The following CPT1C variants were observed in gnomAD, a reference collection of about 807,000 sequenced individuals.
CPT1C encodes palmitoyl thioesterase CPT1C.
CPT1C carries 61 observed loss-of-function variants against 97.3 expected under a neutral mutation model. That is an observed-to-expected ratio of 0.63 (90% CI 0.51 to 0.78). The LOEUF (loss-of-function observed/expected upper bound fraction) is 0.78, where lower values mean the gene tolerates loss of function less well. Among genes scored for constraint, CPT1C ranks in the 30% least tolerant of loss-of-function variants. The pLI is 0.00. For synonymous variants in CPT1C, 469 were observed against 447.2 expected (o/e 1.05, Z -0.61); for missense variants, 975 against 1,065.5 (o/e 0.92, Z 1.18).
chr19:49,708,629 T>G, intron 13 of CPT1C, 94 bp from the exon 14 acceptor site: 1 of 870,868 alleles, frequency 1.1e-6, no homozygotes, highest in East Asian at 2.4e-5. Flanking sequence ...GACTGCCCCC[T>G]ACCCGAAAAA....
intron 12 of CPT1C, 68 bp from the exon 13 acceptor site, chr19:49,707,450 C>T (rs2083567808): frequency 8.9e-7 from 1 of 1,127,690 alleles, no homozygotes; most frequent in African/African-American, 1.5e-5. Context: ...CCCTCAAGTC[C>T]CACAGAAAGC....
intron 14 of CPT1C, 63 bp from the exon 15 acceptor site, chr19:49,710,257 C>A: frequency 6.5e-7 from 1 of 1,533,908 alleles, no homozygotes; most frequent in Non-Finnish European, 9.0e-7. Context: ...CAGCCTTATT[C>A]CTGGCTTTCA....
Position 49,699,970 on chromosome 19 carries a change from G to A in CPT1C, c.282-714G>A, listed in dbSNP as rs190785127. Among the ~76,000 whole-genome samples the A allele has an allele frequency of 3.8e-4, 55 of 143,590 alleles. 1 individual carries two copies. The highest frequency in any genetic ancestry group is 1.2e-3 in the African/African-American group (46 of 38,384). The allele number at this position is 143,590 out of a possible 152,430, so 94.2% of individuals were successfully genotyped here. A position where few individuals can be genotyped will look rare whatever the true frequency, so the allele number is the denominator to read the frequency against. ...CTCCATCTCAAAAACAAAACATGCC[G>A]GGCGTGGTGGCTCACGCCTGTAATC... is the stretch of plus-strand genomic sequence containing the variant. On this transcript the variant is annotated intron_variant, in intron 4 of 19. Transcript: ENST00000598293.
At chr19:49,712,938 G>C in intron 18 of CPT1C, 34 bp from the exon 19 acceptor site, 4 of 1,601,784 alleles carry the variant, frequency 2.5e-6, no homozygotes, top group Middle Eastern at 1.7e-4. Context: ...GGGGACCGGA[G>C]CTATTTTCTT....
chr19:49,706,114 A>G lies in CPT1C; in HGVS notation c.1160+10A>G, dbSNP rs771886232. 6.3e-7 allele frequency: 1 copy of G among 1,599,802 alleles called. No homozygotes were observed. The highest frequency in any genetic ancestry group is 8.5e-7 in the Non-Finnish European group (1 of 1,171,890). ...TGACAGCTGCTCCCAGGTAAGGGTC[A>G]GGGGTCAGGGGTCAGGGGCTCTCAG... On this transcript the variant is annotated intron_variant, in intron 11 of 19. Coordinates refer to ENST00000598293, the MANE Select transcript of CPT1C (RefSeq NM_001199753.2). This position sits in a 1 kb window ranked among gnomAD's most constrained non-coding sequence, Gnocchi z 4.8.
At position 49,713,479 on chromosome 19, in the gene CPT1C, C is replaced by T; in HGVS notation, c.2286C>T (p.Phe762=). Residue 762 remains phenylalanine (F), a synonymous_variant, in exon 20 of 20, where the codon TTC becomes TTT. Transcript: ENST00000598293. ...CACTGCTGGATGTGGCCTCCCTGTT[C>T]CAGGCGGGACAGCATTTTAAGCGCC... is the stretch of plus-strand genomic sequence containing the variant. ...EDALLDVASL[F]QAGQHFKRRF... is the part of the protein sequence containing the mutation. 6.2e-7 allele frequency: 1 copy of T among 1,614,222 alleles called. No homozygotes were observed. The highest frequency in any genetic ancestry group is 8.5e-7 in the Non-Finnish European group (1 of 1,180,034).
At position 49,692,382 on chromosome 19, in the gene CPT1C, T is replaced by C; in HGVS notation, c.130T>C (p.Ser44Pro). Residue 44 changes from serine to proline, a missense_variant, in exon 3 of 20, where the codon TCA (serine) becomes CCA (proline). By Grantham distance (74) the Ser-to-Pro change is moderately conservative (BLOSUM62 -1). Transcript: ENST00000598293. The part of the protein sequence containing the change: ...SGLRSWKRHL[S>P]RFWNDFLTGV... ...CCTGCGCTCCTGGAAAAGGCATCTCTCACGTTTCTGGGTGAGGAGCGGTGC... is the reference window on the plus strand; with the variant it reads ...CCTGCGCTCCTGGAAAAGGCATCTCCCACGTTTCTGGGTGAGGAGCGGTGC... The C allele has an allele frequency of 1.2e-6, 2 of 1,614,080 alleles. No individual in the cohort carries two copies. The highest frequency in any genetic ancestry group is 2.2e-5 in the East Asian group (1 of 44,868).
At chr19:49,710,989 C>T (rs1180454361) in intron 16 of CPT1C, 132 bp downstream of exon 16, 6 of 924,860 alleles carry the variant, frequency 6.5e-6, no homozygotes, top group Non-Finnish European at 9.6e-6. Flanking sequence ...CGGACCTGGC[C>T]TCTGACTTCA....
intron 7 of CPT1C, among the ~76,000 whole-genome samples, chr19:49,703,589 C>CT (rs1568525528): frequency 9.6e-5 from 11 of 114,276 alleles, no homozygotes; most frequent in Non-Finnish European, 1.3e-4. Flanking sequence ...CCCTCCCTCC[C>CT]TCCCTCCCTT....
Position 49,700,702 on chromosome 19 carries a change from G to T in CPT1C, c.300G>T (p.Gly100=). The T allele has an allele frequency of 6.2e-7, 1 of 1,609,776 alleles. No individual in the cohort carries two copies. Among genetic ancestry groups the T allele is most frequent in the Non-Finnish European group, 8.5e-7 (1 of 1,180,008 alleles). The change falls in exon 5 of 20, where the codon GGG becomes GGT. Residue 100 remains glycine (G), a synonymous_variant. Transcript: ENST00000598293. ...CCCGCAGGGGTGGACAACACCACGG[G>T]CTCCGGGGGGTCCTGGCAGCCGCGC... ...LLPDWGGQHH[G]LRGVLAAALF... is the part of the protein sequence containing the mutation.
chr19:49,701,494 T>C lies in CPT1C; in HGVS notation c.556-3T>C. 1.9e-6 allele frequency: 3 copies of C among 1,604,230 alleles called. No individual in the cohort carries two copies. Among genetic ancestry groups the C allele is most frequent in the African/African-American group, 1.3e-5 (1 of 74,698 alleles). ...GCGTGACCTGCCCTCTTCTCCCCTT[T>C]AGTACCTGGAGTCGGTCCGGCCCAT... On this transcript the variant is annotated splice_polypyrimidine_tract_variant and splice_region_variant and intron_variant, in intron 6 of 19. Coordinates refer to ENST00000598293, the MANE Select transcript of CPT1C (RefSeq NM_001199753.2).
Position 49,706,472 on chromosome 19 carries a change from C to T in CPT1C, c.1343+59C>T, listed in dbSNP as rs548432960. The T allele has an allele frequency of 6.8e-5, 93 of 1,365,688 alleles. 1 individual carries two copies. In the Admixed American group the frequency reaches 2.6e-3, roughly 38 times the overall value. 84.6% of individuals were successfully genotyped at this position (1,365,688 alleles called of 1,614,324 possible). On this transcript the variant is annotated intron_variant, in intron 12 of 19. Transcript: ENST00000598293. The surrounding 1 kb of genome is among the most constrained non-coding windows in gnomAD (Gnocchi z 4.8). The stretch of plus-strand genomic sequence containing the variant: ...GGCACCCGAGAATCCAGTATCAGAC[C>T]TAGGACCCCTGACAGTAGACAGCCA...
Position 49,706,254 on chromosome 19 carries a change from C to T in CPT1C, c.1184C>T (p.Thr395Ile). ...APRGTWAQVRTSLKTQAAEAL... is the reference protein window; with the variant it reads ...APRGTWAQVRISLKTQAAEAL... ...AGGGGCACGTGGGCCCAGGTGCGGACATCCCTGAAGACCCAGGCAGCGGAG... is the reference window on the plus strand; with the variant it reads ...AGGGGCACGTGGGCCCAGGTGCGGATATCCCTGAAGACCCAGGCAGCGGAG... The change falls in exon 12 of 20, where the codon ACA (threonine) becomes ATA (isoleucine). Residue 395 changes from threonine to isoleucine, a missense_variant. Physicochemically the swap from Thr to Ile is moderately conservative, Grantham distance 89. Around this residue, in one of 3 missense-constraint regions of CPT1C, gnomAD observed 596 missense variants for 603.1 expected, o/e 0.99. Coordinates refer to ENST00000598293, the MANE Select transcript of CPT1C (RefSeq NM_001199753.2). The surrounding 1 kb of genome is among the most constrained non-coding windows in gnomAD (Gnocchi z 4.8). 1 of 1,541,826 alleles carries T rather than the reference C, an allele frequency of 6.5e-7. No homozygotes were observed. The highest frequency in any genetic ancestry group is 1.2e-5 in the South Asian group (1 of 81,468).
chr19:49,705,519 G>A (rs747308072), intron 10 of CPT1C, among the ~76,000 whole-genome samples: 24 of 152,166 alleles, frequency 1.6e-4, no homozygotes, highest in Non-Finnish European at 3.2e-4. Context: ...CCAGCACTTT[G>A]TGGGGCCGAG....
chr19:49,713,098 T>A, intron 19 of CPT1C, 34 bp downstream of exon 19: 2 of 1,557,942 alleles, frequency 1.3e-6, no homozygotes, highest in East Asian at 4.5e-5. Context: ...CAACTCCCTC[T>A]TTCCTCAGGA....
chr19:49,704,239 T>G (rs1456575101), intron 7 of CPT1C, among the ~76,000 whole-genome samples: 1 of 152,198 alleles, frequency 6.6e-6, no homozygotes, highest in Non-Finnish European at 1.5e-5. Flanking sequence ...TGGTGCGATC[T>G]CAGCTCCTTG....
chr19:49,706,498 G>C lies in CPT1C; in HGVS notation c.1343+85G>C, dbSNP rs2083509256. On this transcript the variant is annotated intron_variant, in intron 12 of 19. Coordinates refer to ENST00000598293, the MANE Select transcript of CPT1C (RefSeq NM_001199753.2). The surrounding 1 kb of genome is among the most constrained non-coding windows in gnomAD (Gnocchi z 4.8). ...TAGGACCCCTGACAGTAGACAGCCA[G>C]ACCCTGGAGCCCACACCTGCAGAGT... is the stretch of plus-strand genomic sequence containing the variant. 2 of 1,200,634 alleles carry C rather than the reference G, an allele frequency of 1.7e-6. No homozygotes were observed. Among genetic ancestry groups the C allele is most frequent in the Admixed American group, 3.9e-5 (1 of 25,654 alleles). The allele number at this position is 1,200,634 out of a possible 1,614,324, so 74.4% of individuals were successfully genotyped here.
intron 7 of CPT1C, among the ~76,000 whole-genome samples, chr19:49,702,172 ATATT>A (rs1401370903): frequency 3.1e-5 from 4 of 128,400 alleles, no homozygotes; most frequent in Non-Finnish European, 6.5e-5. Flanking sequence ...AAATAAATAT[ATATT>A]TATTTATATA....
chr19:49,704,975 G>A, intron 8 of CPT1C, 32 bp from the exon 9 acceptor site: 1 of 1,544,248 alleles, frequency 6.5e-7, no homozygotes, highest in Non-Finnish European at 8.8e-7. Flanking sequence ...CCTGACCCTG[G>A]GTGTTTTGCC....
Sources: allele counts gnomAD v4.1 joint callset (sites outside exome capture counted in the v4.1 genomes callset), GRCh38; gene constraint gnomAD v4.1.1; regional missense constraint gnomAD v4.1.1; non-coding constraint Gnocchi (gnomAD v3.1); transcripts MANE v1.5; gene names NCBI Gene and HGNC (gene_info 2026-07-23, HGNC 2026-07-21).